The following MTUS2 variants were observed in gnomAD, a reference collection of about 807,000 sequenced individuals.
The protein encoded by MTUS2 is microtubule associated scaffold protein 2.
In MTUS2, 40 loss-of-function variants were observed where a neutral mutation model predicts 114.1. The ratio of observed to expected loss-of-function variants is 0.35; its 90% confidence interval spans 0.27 to 0.46. MTUS2 has a LOEUF of 0.46. Among genes scored for constraint, MTUS2 ranks in the 20% least tolerant of loss-of-function variants. The pLI is 1.00. For synonymous variants in MTUS2, 688 were observed against 672.0 expected (o/e 1.02, Z -0.37); for missense variants, 1,679 against 1,705.4 (o/e 0.98, Z 0.27).
chr13:28,887,668 G>T (rs1878671699), intron 2 of MTUS2, among the ~76,000 whole-genome samples: 1 of 152,194 alleles, frequency 6.6e-6, no homozygotes, highest in South Asian at 2.1e-4. Flanking sequence ...CATGTGCCAA[G>T]GTGGGATGAC....
intron 9 of MTUS2, among the ~76,000 whole-genome samples, chr13:29,440,716 C>G (rs1292629441): frequency 6.6e-6 from 1 of 152,126 alleles, no homozygotes; most frequent in East Asian, 1.9e-4. Context: ...TACACATGGT[C>G]TGTTCCTATT....
In MTUS2 at chr13:29,410,114, A is replaced by T. The variant is rs1875112022; in HGVS notation, c.3118-29869A>T. 2.3e-5 allele frequency among the ~76,000 whole-genome samples: 3 copies of T among 129,456 alleles called. No individual in the cohort carries two copies. The South Asian group carries it at 8.5e-4, about 37-fold the overall frequency. The allele number at this position is 129,456 out of a possible 152,430, so 84.9% of individuals were successfully genotyped here. Reference sequence around the variant, plus strand: ...GTTTCCTCGAACCCTTGCCCATCGAATATGCTGTTGTACTTTTTTTTTTTT... The same window carrying T: ...GTTTCCTCGAACCCTTGCCCATCGATTATGCTGTTGTACTTTTTTTTTTTT... On this transcript the variant is annotated intron_variant, in intron 8 of 15. Transcript: ENST00000612955.
At chr13:29,048,330 A>C (rs144189824) in intron 4 of MTUS2, among the ~76,000 whole-genome samples, 1 of 152,288 alleles carries the variant, frequency 6.6e-6, no homozygotes, top group African/African-American at 2.4e-5. Context: ...AATTCTATCA[A>C]CTGTGTCATT....
chr13:29,112,285 C>T (rs1382377961), intron 5 of MTUS2, among the ~76,000 whole-genome samples: 1 of 152,080 alleles, frequency 6.6e-6, no homozygotes, highest in Non-Finnish European at 1.5e-5. Context: ...AAGGCTTGGT[C>T]AGCGAGGCAG....
At chr13:28,972,050 A>G (rs1883881326) in intron 2 of MTUS2, among the ~76,000 whole-genome samples, 1 of 152,250 alleles carries the variant, frequency 6.6e-6, no homozygotes, top group African/African-American at 2.4e-5. Context: ...ATTTCACAAG[A>G]TATAGATGGC....
At chr13:29,141,632 C>T (rs1427998828) in intron 5 of MTUS2, among the ~76,000 whole-genome samples, 2 of 152,094 alleles carry the variant, frequency 1.3e-5, no homozygotes, top group African/African-American at 4.8e-5. Context: ...GGATAATGTG[C>T]TATGTTTACT....
chr13:29,178,334 T>C (rs771850244), intron 5 of MTUS2, among the ~76,000 whole-genome samples: 1 of 152,176 alleles, frequency 6.6e-6, no homozygotes, highest in Non-Finnish European at 1.5e-5. Flanking sequence ...GCTTTTTTTT[T>C]CTCCCCAGAT....
chr13:29,007,780 A>G (rs1776337704), intron 2 of MTUS2, among the ~76,000 whole-genome samples: 1 of 152,022 alleles, frequency 6.6e-6, no homozygotes, highest in East Asian at 1.9e-4. Context: ...TTGTAATAAC[A>G]TAATATATAA....
At chr13:28,996,359 CT>C (rs1242713640) in intron 2 of MTUS2, among the ~76,000 whole-genome samples, 7 of 152,114 alleles carry the variant, frequency 4.6e-5, no homozygotes, top group African/African-American at 1.4e-4. Context: ...CTAAAATTTT[CT>C]TTTTTTGTTG....
chr13:29,443,490 C>G (rs1203165807), intron 9 of MTUS2, among the ~76,000 whole-genome samples: 3 of 152,212 alleles, frequency 2.0e-5, no homozygotes, highest in South Asian at 4.1e-4. Context: ...AGAATAGAAC[C>G]AGAATTACCT....
chr13:28,946,558 C>T (rs1430358679), intron 2 of MTUS2, among the ~76,000 whole-genome samples: 3 of 152,062 alleles, frequency 2.0e-5, no homozygotes, highest in Non-Finnish European at 2.9e-5. Flanking sequence ...CCTGGGGGTT[C>T]CTATGATCTT....
At chr13:29,371,804 G>C (rs1871206782) in intron 8 of MTUS2, among the ~76,000 whole-genome samples, 1 of 152,102 alleles carries the variant, frequency 6.6e-6, no homozygotes, top group Non-Finnish European at 1.5e-5. Flanking sequence ...AGAAACAGAG[G>C]AAGAGAAGTT....
At chr13:29,454,486 C>A (rs1878963025) in intron 9 of MTUS2, among the ~76,000 whole-genome samples, 1 of 152,086 alleles carries the variant, frequency 6.6e-6, no homozygotes, top group Non-Finnish European at 1.5e-5. Context: ...AATCAAATTG[C>A]CAATTTATTA....
At chr13:29,386,043 AAATGAATG>A (rs764737690) in intron 8 of MTUS2, among the ~76,000 whole-genome samples, 2 of 152,226 alleles carry the variant, frequency 1.3e-5, no homozygotes, top group Non-Finnish European at 1.5e-5. Context: ...TGCTCTGAAT[AAATGAATG>A]AATGAATGAA....
intron 1 of MTUS2, 93 bp from the exon 2 acceptor site, chr13:28,839,685 T>A (rs1217018287): frequency 6.6e-6 from 1 of 152,218 alleles, no homozygotes; most frequent in Non-Finnish European, 1.5e-5. Flanking sequence ...TAACTTTATG[T>A]TTTGGTGAGA....
chr13:29,040,363 G>A (rs1330617238), intron 4 of MTUS2, among the ~76,000 whole-genome samples: 2 of 152,076 alleles, frequency 1.3e-5, no homozygotes, highest in South Asian at 4.1e-4. Context: ...TTATTCACTC[G>A]TTAATTGATG....
At chr13:29,172,831 A>G (rs1015055144) in intron 5 of MTUS2, among the ~76,000 whole-genome samples, 2 of 152,236 alleles carry the variant, frequency 1.3e-5, no homozygotes, top group Non-Finnish European at 2.9e-5. Context: ...TGTACAAAGT[A>G]GAGAAGGAAA....
intron 8 of MTUS2, among the ~76,000 whole-genome samples, chr13:29,392,417 T>C (rs961039999): frequency 3.3e-5 from 5 of 152,136 alleles, no homozygotes; most frequent in Non-Finnish European, 7.3e-5. Context: ...CTTTGGGATC[T>C]GTGCAGAGTG....
At chr13:29,311,225 A>G (rs79805359) in intron 6 of MTUS2, among the ~76,000 whole-genome samples, 2 of 152,192 alleles carry the variant, frequency 1.3e-5, no homozygotes, top group Non-Finnish European at 2.9e-5. Context: ...AAAGCAAGAC[A>G]TGATCACTAC....
Sources: gnomAD v4.1 joint callset for allele counts (sites outside exome capture counted in the v4.1 genomes callset) on GRCh38, gnomAD v4.1.1 for gene constraint, MANE v1.5 for transcripts, NCBI Gene and HGNC (gene_info 2026-07-23, HGNC 2026-07-21) for gene names.